The following RANBP2 variants were observed in gnomAD, a reference collection of about 807,000 sequenced individuals.
The protein encoded by RANBP2 is RAN binding protein 2.
Under a neutral mutation model 303.6 loss-of-function variants are expected in RANBP2, and 57 were observed. The ratio of observed to expected loss-of-function variants is 0.19; its 90% CI spans 0.15 to 0.23. The LOEUF (loss-of-function observed/expected upper bound fraction) is 0.23. Among genes scored for constraint, RANBP2 ranks in the 10% least tolerant of loss-of-function variants. RANBP2 has a pLI of 1.00. For missense variants in RANBP2, 3,138 were observed against 3,780.8 expected (o/e 0.83, Z 4.46); for synonymous variants, 1,167 against 1,301.5 (o/e 0.90, Z 2.23).
At chr2:109,556,119 T>C in the RANBP2 span, among the ~76,000 whole-genome samples, 1 of 152,194 alleles carries the variant, frequency 6.6e-6, no homozygotes, top group African/African-American at 2.4e-5. Flanking sequence ...AGGAGGAAGA[T>C]TTAACCAGCA....
At chr2:109,216,483 A>G in the RANBP2 span, among the ~76,000 whole-genome samples, 1 of 152,170 alleles carries the variant, frequency 6.6e-6, no homozygotes, top group Non-Finnish European at 1.5e-5. Flanking sequence ...ATCCATGGAG[A>G]AGTGGCAGTG....
At chr2:109,241,421 A>T in the RANBP2 span, among the ~76,000 whole-genome samples, 1 of 152,092 alleles carries the variant, frequency 6.6e-6, no homozygotes, top group Non-Finnish European at 1.5e-5. Flanking sequence ...CATTGGGGGA[A>T]AAAATGGCTG....
chr2:109,689,689 G>A, the RANBP2 span, among the ~76,000 whole-genome samples: 12 of 151,870 alleles, frequency 7.9e-5, no homozygotes, highest in South Asian at 2.1e-4. Context: ...TCTGCCAAAC[G>A]CTCTCTTCCT....
chr2:108,800,923 C>T, the RANBP2 span, among the ~76,000 whole-genome samples: 1 of 116,414 alleles, frequency 8.6e-6, no homozygotes, highest in Non-Finnish European at 1.8e-5. Flanking sequence ...TGATGGTTTC[C>T]AGTTTCATCC....
chr2:108,741,325 T>G (rs913723395), intron 7 of RANBP2, among the ~76,000 whole-genome samples: 1 of 151,152 alleles, frequency 6.6e-6, no homozygotes, highest in Non-Finnish European at 1.5e-5. Flanking sequence ...GTCTCCCGAG[T>G]AGCTGGGACT....
chr2:109,614,513 C>G, the RANBP2 span: 1 of 1,260,440 alleles, frequency 7.9e-7, no homozygotes, highest in Non-Finnish European at 9.9e-7. Flanking sequence ...CAGAGTGGGG[C>G]CCCGAGGCGG....
chr2:108,732,187 A>G (rs1397923927), intron 4 of RANBP2, among the ~76,000 whole-genome samples: 1 of 152,070 alleles, frequency 6.6e-6, no homozygotes, highest in African/African-American at 2.4e-5. Context: ...TATGTTTCTG[A>G]TAGGAATTTA....
the RANBP2 span, among the ~76,000 whole-genome samples, chr2:109,650,879 T>C: frequency 6.6e-6 from 1 of 152,132 alleles, no homozygotes; most frequent in Non-Finnish European, 1.5e-5. Flanking sequence ...GGTATGTCTT[T>C]ATCAGCAGCA....
chr2:109,666,356 A>G, the RANBP2 span, among the ~76,000 whole-genome samples: 2 of 152,186 alleles, frequency 1.3e-5, no homozygotes, highest in African/African-American at 2.4e-5. Context: ...CTGAAGCAAT[A>G]TGTGTTCCTA....
the RANBP2 span, among the ~76,000 whole-genome samples, chr2:108,962,089 C>G: frequency 6.6e-6 from 1 of 152,194 alleles, no homozygotes; most frequent in East Asian, 1.9e-4. Flanking sequence ...AGGAAATCCA[C>G]AAAGATGTCC....
At position 108,785,591 on chromosome 2, in the gene RANBP2, C is replaced by CT. The variant is rs1436591996; in HGVS notation, c.*1694dup. 6.6e-6 allele frequency: 1 copy of CT among 152,182 alleles called. No individual in the cohort carries two copies. The highest frequency in any genetic ancestry group is 1.9e-4 in the East Asian group (1 of 5,198). 9.4% of individuals were successfully genotyped at this position (152,182 alleles called of 1,614,324 possible). On this transcript the variant is annotated 3_prime_UTR_variant, in exon 29 of 29. Coordinates refer to ENST00000283195, the MANE Select transcript of RANBP2 (RefSeq NM_006267.5). The stretch of plus-strand genomic sequence containing the variant: ...TTTGACAAAATGACATGTAAACTGA[C>CT]TTTTCCCGTATTAGTATTCCAAAGA...
At chr2:108,976,854 G>A in the RANBP2 span, among the ~76,000 whole-genome samples, 4 of 151,840 alleles carry the variant, frequency 2.6e-5, no homozygotes, top group Non-Finnish European at 5.9e-5. Context: ...GGCACTACAA[G>A]GTGCTCCAGG....
chr2:109,251,036 C>A, the RANBP2 span, among the ~76,000 whole-genome samples: 1 of 151,894 alleles, frequency 6.6e-6, no homozygotes, highest in Non-Finnish European at 1.5e-5. Context: ...GAGTCTCACT[C>A]TGTCGCCCAG....
chr2:109,013,214 T>C, the RANBP2 span, among the ~76,000 whole-genome samples: 1 of 152,206 alleles, frequency 6.6e-6, no homozygotes. Flanking sequence ...AACTATGCAA[T>C]AAGGACATCC....
the RANBP2 span, among the ~76,000 whole-genome samples, chr2:109,295,918 G>A: frequency 6.6e-6 from 1 of 152,178 alleles, no homozygotes; most frequent in East Asian, 1.9e-4. Flanking sequence ...ACAGAACCCA[G>A]CCTCCTGCCT....
the RANBP2 span, among the ~76,000 whole-genome samples, chr2:109,551,954 C>G: frequency 6.6e-6 from 1 of 152,190 alleles, no homozygotes; most frequent in Non-Finnish European, 1.5e-5. Flanking sequence ...ATCCCCAGGC[C>G]GCGGACCAGT....
the RANBP2 span, among the ~76,000 whole-genome samples, chr2:109,248,591 C>G: frequency 2.8e-4 from 43 of 152,334 alleles, no homozygotes; most frequent in South Asian, 8.3e-4. Context: ...AACCTTGAGA[C>G]ATTAATTGAC....
chr2:109,614,916 G>A, the RANBP2 span: 1 of 1,469,302 alleles, frequency 6.8e-7, no homozygotes, highest in East Asian at 2.6e-5. Flanking sequence ...CCCCGCCCCC[G>A]CGCACTGGCC....
the RANBP2 span, among the ~76,000 whole-genome samples, chr2:109,577,793 G>A: frequency 2.0e-5 from 3 of 149,158 alleles, no homozygotes; most frequent in African/African-American, 7.4e-5. Flanking sequence ...TGTGACTGCA[G>A]TACCAGCTAC....
Sources: gnomAD v4.1 joint callset for allele counts (sites outside exome capture counted in the v4.1 genomes callset) on GRCh38, gnomAD v4.1.1 for gene constraint, MANE v1.5 for transcripts, NCBI Gene and HGNC (gene_info 2026-07-23, HGNC 2026-07-21) for gene names.